The following CROT variants were observed in gnomAD, a reference collection of about 807,000 sequenced individuals.
CROT encodes the protein peroxisomal carnitine O-octanoyltransferase.
Under a neutral mutation model 89.2 loss-of-function variants are expected in CROT, and 84 were observed. That is an observed-to-expected ratio of 0.94 (90% CI 0.79 to 1.13). The LOEUF is 1.13. Ranked by LOEUF, CROT falls within the 50% of genes most tolerant of loss-of-function variation. The probability of loss-of-function intolerance (pLI) is 0.00; values close to 1 mark genes in which losing one functional copy is unlikely to be tolerated. For synonymous variants in CROT, 212 were observed against 239.5 expected (o/e 0.89, Z 1.06); for missense variants, 711 against 727.8 (o/e 0.98, Z 0.27).
At chr7:87,349,210 T>G in intron 3 of CROT, 27 bp downstream of exon 3, 2 of 1,097,222 alleles carry the variant, frequency 1.8e-6, no homozygotes, top group Middle Eastern at 2.9e-4. Flanking sequence ...TTAGTATATA[T>G]TAATATTATT....
intron 3 of CROT, among the ~76,000 whole-genome samples, chr7:87,358,692 G>GT (rs1806178877): frequency 6.6e-6 from 1 of 152,044 alleles, no homozygotes; most frequent in South Asian, 2.1e-4. Flanking sequence ...CATCCTGATG[G>GT]TTTTCATGTT....
intron 1 of CROT, 83 bp downstream of exon 1, chr7:87,345,850 G>C: frequency 6.1e-6 from 1 of 163,170 alleles, no homozygotes; most frequent in Non-Finnish European, 1.2e-5. Context: ...AACCGCAAAG[G>C]TGCCTGGATT....
At chr7:87,358,551 A>C (rs2115828630) in intron 3 of CROT, among the ~76,000 whole-genome samples, 1 of 152,082 alleles carries the variant, frequency 6.6e-6, no homozygotes, top group East Asian at 1.9e-4. Context: ...ATTAACAGAT[A>C]ATTTTATGTT....
intron 10 of CROT, 46 bp from the exon 11 acceptor site, chr7:87,381,864 T>A (rs1336171034): frequency 1.5e-6 from 2 of 1,331,402 alleles, no homozygotes; most frequent in Non-Finnish European, 2.1e-6. Context: ...GGTCAAGTTT[T>A]AAGTTGACAT....
chr7:87,368,343 C>G (rs1021752706), intron 6 of CROT, among the ~76,000 whole-genome samples: 1 of 151,974 alleles, frequency 6.6e-6, no homozygotes, highest in Non-Finnish European at 1.5e-5. Context: ...TCTTTTCCAG[C>G]CCTAAACTTT....
intron 13 of CROT, among the ~76,000 whole-genome samples, chr7:87,387,521 C>T (rs906646627): frequency 1.3e-5 from 2 of 151,838 alleles, no homozygotes; most frequent in African/African-American, 4.8e-5. Context: ...CCCCAAGCCC[C>T]CAGTGCATTA....
intron 7 of CROT, among the ~76,000 whole-genome samples, chr7:87,372,684 T>C (rs989583338): frequency 1.3e-5 from 2 of 152,220 alleles, no homozygotes; most frequent in African/African-American, 4.8e-5. Context: ...ATTTTATTAA[T>C]ATAGGAATGG....
intron 13 of CROT, among the ~76,000 whole-genome samples, chr7:87,386,973 T>C (rs942460480): frequency 1.3e-5 from 2 of 152,130 alleles, no homozygotes; most frequent in African/African-American, 4.8e-5. Flanking sequence ...TCTGCCTTGA[T>C]CTCACTTCTT....
At chr7:87,347,187 A>AT (rs1805711454) in intron 2 of CROT, among the ~76,000 whole-genome samples, 3 of 152,176 alleles carry the variant, frequency 2.0e-5, no homozygotes, top group African/African-American at 7.2e-5. Flanking sequence ...TAATATCCCT[A>AT]TTTTAAGGTC....
rs1483789975 is a variant in CROT at position 87,361,405 on chromosome 7, C to A, written c.256C>A (p.Leu86Met). The A allele has an allele frequency of 6.2e-7, 1 of 1,613,090 alleles. No homozygotes were observed. The highest frequency in any genetic ancestry group is 1.1e-5 in the South Asian group (1 of 90,810). Reference sequence around the variant, plus strand: ...TTTCTTTTAGCTGGAAGAGTGGTGGCTGAATGTTGCCTATCTGGATGTTCG... The same window carrying A: ...TTTCTTTTAGCTGGAAGAGTGGTGGATGAATGTTGCCTATCTGGATGTTCG... ...GKRNWLEEWW[L>M]NVAYLDVRIP... The change falls in exon 5 of 18, where the codon CTG (leucine) becomes ATG (methionine). Residue 86 changes from leucine (L) to methionine (M), a missense_variant. Physicochemically the swap from Leu to Met is conservative, Grantham distance 15 (BLOSUM62 2). Coordinates refer to ENST00000331536, the MANE Select transcript of CROT (RefSeq NM_021151.4).
intron 3 of CROT, among the ~76,000 whole-genome samples, chr7:87,354,812 C>A (rs1170727216): frequency 6.6e-6 from 1 of 152,154 alleles, no homozygotes; most frequent in African/African-American, 2.4e-5. Context: ...ATAAAAAAAT[C>A]TTGTTTTAAC....
intron 10 of CROT, 55 bp downstream of exon 10, chr7:87,377,505 A>G: frequency 9.9e-7 from 1 of 1,006,914 alleles, no homozygotes; most frequent in South Asian, 1.3e-5. Context: ...AATTAATGAC[A>G]ATAAACCATA....
At chr7:87,385,331 G>A (rs1807153296) in intron 13 of CROT, among the ~76,000 whole-genome samples, 1 of 151,964 alleles carries the variant, frequency 6.6e-6, no homozygotes, top group East Asian at 1.9e-4. Flanking sequence ...AATGAACATA[G>A]GTTGTCTTTC....
At chr7:87,357,754 T>C (rs1806129656) in intron 3 of CROT, among the ~76,000 whole-genome samples, 1 of 152,204 alleles carries the variant, frequency 6.6e-6, no homozygotes, top group Non-Finnish European at 1.5e-5. Context: ...TACGTCTACA[T>C]GTGGGTGAGC....
chr7:87,359,458 A>G (rs1228778606), intron 4 of CROT, 128 bp downstream of exon 4: 1 of 1,421,502 alleles, frequency 7.0e-7, no homozygotes, highest in East Asian at 2.7e-5. Context: ...ATAATCCAAA[A>G]GAAGGAATGA....
intron 17 of CROT, 186 bp from the exon 18 acceptor site, chr7:87,398,338 A>T (rs886601844): frequency 5.5e-6 from 4 of 721,942 alleles, no homozygotes; most frequent in African/African-American, 5.2e-5. Context: ...CTAATGAATG[A>T]GGTGTTTCTT....
chr7:87,355,103 A>AT lies in CROT; in HGVS notation c.116-4089dup, dbSNP rs35047228. On this transcript the variant is annotated intron_variant, in intron 3 of 17. Coordinates refer to ENST00000331536, the MANE Select transcript of CROT (RefSeq NM_021151.4). ...ATAACCTTTCTTACCAAAAATATGT[A>AT]TTTTTTTTTTTTTTGAGATAGGGCC... 8.3e-3 allele frequency among the ~76,000 whole-genome samples: 1,215 copies of AT among 147,102 alleles called. 8 individuals are homozygous for AT. The highest frequency in any genetic ancestry group is 0.023 in the East Asian group (118 of 5,030).
Position 87,398,637 on chromosome 7 carries a change from A to G in CROT, c.1832A>G (p.His611Arg), listed in dbSNP as rs920604130. 6.2e-7 allele frequency: 1 copy of G among 1,613,004 alleles called. No individual in the cohort carries two copies. Among genetic ancestry groups the G allele is most frequent in the South Asian group, 1.1e-5 (1 of 91,024 alleles). ...ATGATACAGCTGATGAACTCTACTC[A>G]TCTTTAGAGATGAATCATCTATTAA... The part of the protein sequence containing the change: ...HDMIQLMNST[H>R]L The change falls in exon 18 of 18, where the codon CAT (histidine) becomes CGT (arginine). Residue 611 changes from histidine (H) to arginine (R), a missense_variant. His to Arg is a conservative substitution (Grantham distance 29). Coordinates refer to ENST00000331536, the MANE Select transcript of CROT (RefSeq NM_021151.4).
At chr7:87,377,535 A>G (rs1806849195) in intron 10 of CROT, 85 bp downstream of exon 10, 3 of 761,630 alleles carry the variant, frequency 3.9e-6, no homozygotes, top group South Asian at 1.7e-5. Context: ...GCTGGGGAAC[A>G]GTGTAAGTGA....
Sources: gnomAD v4.1 joint callset for allele counts (sites outside exome capture counted in the v4.1 genomes callset) on GRCh38, gnomAD v4.1.1 for gene constraint, MANE v1.5 for transcripts, NCBI Gene and HGNC (gene_info 2026-07-23, HGNC 2026-07-21) for gene names.